The following ALG9 variants were observed in gnomAD, a reference collection of about 807,000 sequenced individuals.
The protein encoded by ALG9 is ALG9 alpha-1,2-mannosyltransferase.
ALG9 carries 55 observed loss-of-function variants against 81.8 expected under a neutral mutation model. The observed-to-expected ratio is 0.67, with a 90% CI of 0.54 to 0.84. The LOEUF is 0.84. Among genes scored for constraint, ALG9 ranks in the 40% least tolerant of loss-of-function variants. The pLI is 0.00. For synonymous variants in ALG9, 278 were observed against 274.3 expected (o/e 1.01, Z -0.13); for missense variants, 629 against 745.0 (o/e 0.84, Z 1.81).
the ALG9 span, among the ~76,000 whole-genome samples, chr11:111,770,098 G>T: frequency 6.6e-6 from 1 of 152,136 alleles, no homozygotes; most frequent in Non-Finnish European, 1.5e-5. Flanking sequence ...ATCCTTCAAT[G>T]AAGGTGATTA....
At chr11:111,846,289 G>A (rs1038800365) in intron 8 of ALG9, among the ~76,000 whole-genome samples, 1 of 152,142 alleles carries the variant, frequency 6.6e-6, no homozygotes, top group African/African-American at 2.4e-5. Context: ...CTGAGCTTGT[G>A]AAGAAAAACC....
chr11:111,831,282 C>T (rs111261417), intron 13 of ALG9, among the ~76,000 whole-genome samples: 1 of 152,120 alleles, frequency 6.6e-6, no homozygotes, highest in East Asian at 1.9e-4. Flanking sequence ...CTCAGGTGAT[C>T]CTCCCACCTC....
intron 14 of ALG9, among the ~76,000 whole-genome samples, chr11:111,799,408 TG>T (rs1424882042): frequency 6.6e-6 from 1 of 151,742 alleles, no homozygotes; most frequent in African/African-American, 2.4e-5. Context: ...CCCAAAGTCC[TG>T]GGATTACAGG....
intron 4 of ALG9, among the ~76,000 whole-genome samples, chr11:111,861,381 T>C (rs1388917462): frequency 6.6e-6 from 1 of 152,244 alleles, no homozygotes; most frequent in African/African-American, 2.4e-5. Flanking sequence ...TTTTCCTAAG[T>C]ACCTCTTTTA....
intron 8 of ALG9, 123 bp from the exon 9 acceptor site, chr11:111,844,846 T>C (rs958799655): frequency 4.6e-6 from 5 of 1,088,622 alleles, no homozygotes; most frequent in South Asian, 1.3e-5. Flanking sequence ...GGAATGAGAG[T>C]GCACAGCCCA....
intron 8 of ALG9, 27 bp from the exon 9 acceptor site, chr11:111,844,750 C>A: frequency 6.2e-7 from 1 of 1,611,708 alleles, no homozygotes; most frequent in South Asian, 1.1e-5. Flanking sequence ...GGTAAGAAAT[C>A]ATTAGTGGAT....
intron 13 of ALG9, among the ~76,000 whole-genome samples, chr11:111,828,373 T>C (rs1410125915): frequency 6.6e-6 from 1 of 152,232 alleles, no homozygotes; most frequent in African/African-American, 2.4e-5. Flanking sequence ...TTTAAATTTG[T>C]ATTTAATTCC....
intron 6 of ALG9, among the ~76,000 whole-genome samples, chr11:111,854,530 C>T (rs1489529830): frequency 6.6e-6 from 1 of 152,102 alleles, no homozygotes; most frequent in Non-Finnish European, 1.5e-5. Flanking sequence ...ATCGCCCTCC[C>T]AAAGTGCTGG....
intron 9 of ALG9, among the ~76,000 whole-genome samples, 162 bp downstream of exon 9, chr11:111,844,439 G>C (rs1956668582): frequency 6.6e-6 from 1 of 152,174 alleles, no homozygotes; most frequent in South Asian, 2.1e-4. Flanking sequence ...TCTTCACAAG[G>C]GTTCAATGGA....
downstream of ALG9, among the ~76,000 whole-genome samples, chr11:111,781,767 C>G (rs565560686): frequency 3.6e-3 from 546 of 152,312 alleles, 3 homozygotes; most frequent in Non-Finnish European, 5.9e-3. Flanking sequence ...CCTGCCTCAG[C>G]CTCCCAAGTA....
downstream of ALG9, among the ~76,000 whole-genome samples, chr11:111,781,484 G>A (rs1362402757): frequency 6.6e-6 from 1 of 152,046 alleles, no homozygotes; most frequent in Admixed American, 6.6e-5. Flanking sequence ...AACAAAGGGG[G>A]AAATTACCTA....
At chr11:111,843,827 T>C (rs543281849) in intron 9 of ALG9, among the ~76,000 whole-genome samples, 1 of 152,186 alleles carries the variant, frequency 6.6e-6, no homozygotes, top group Non-Finnish European at 1.5e-5. Flanking sequence ...AAGAAAAGCA[T>C]CATGCTTCTG....
intron 9 of ALG9, among the ~76,000 whole-genome samples, chr11:111,841,014 T>C (rs1236946185): frequency 6.6e-6 from 1 of 152,180 alleles, no homozygotes; most frequent in Admixed American, 6.5e-5. Flanking sequence ...CCAAGAGATC[T>C]AAACTCTAAC....
At chr11:111,803,008 T>C (rs1949362879) in intron 14 of ALG9, among the ~76,000 whole-genome samples, 1 of 152,142 alleles carries the variant, frequency 6.6e-6, no homozygotes, top group African/African-American at 2.4e-5. Flanking sequence ...CAAAATGCAA[T>C]ACTTCAGTAT....
chr11:111,779,050 G>A (rs1945784950), downstream of ALG9, among the ~76,000 whole-genome samples: 1 of 152,124 alleles, frequency 6.6e-6, no homozygotes, highest in Non-Finnish European at 1.5e-5. Context: ...CCGACCTCAG[G>A]TGATCCGCCC....
chr11:111,791,033 A>G lies in ALG9; in HGVS notation c.1734-4513T>C, dbSNP rs953868349. 2.0e-5 allele frequency among the ~76,000 whole-genome samples: 3 copies of G among 152,358 alleles called. No individual in the cohort carries two copies. In the South Asian group the frequency reaches 6.2e-4, roughly 32 times the overall value. On this transcript the variant is annotated intron_variant, in intron 14 of 14. Coordinates refer to ENST00000616540, the MANE Select transcript of ALG9 (RefSeq NM_024740.2). ...TTGGTTTTCCATTTGCTATGATTAA[A>G]AATTTCAAATATATATGAGTAGATA...
intron 13 of ALG9, among the ~76,000 whole-genome samples, chr11:111,818,139 TG>T (rs1441644575): frequency 2.0e-5 from 3 of 152,206 alleles, no homozygotes; most frequent in Admixed American, 6.5e-5. Context: ...GAACTAAGGC[TG>T]CAGTAAAGAA....
At chr11:111,855,910 T>C (rs1555142723) in intron 6 of ALG9, among the ~76,000 whole-genome samples, 1 of 152,138 alleles carries the variant, frequency 6.6e-6, no homozygotes, top group African/African-American at 2.4e-5. Flanking sequence ...AAATGGACTA[T>C]TCTCTTAGTA....
At chr11:111,788,432 A>G in intron 14 of ALG9, 2 of 454,070 alleles carry the variant, frequency 4.4e-6, no homozygotes, top group Non-Finnish European at 8.8e-6. Flanking sequence ...AGGAAGAGGA[A>G]GCACCTACCC....
Sources: allele counts gnomAD v4.1 joint callset (sites outside exome capture counted in the v4.1 genomes callset), GRCh38; gene constraint gnomAD v4.1.1; transcripts MANE v1.5; gene names NCBI Gene and HGNC (gene_info 2026-07-23, HGNC 2026-07-21).